The following MADD variants were observed in gnomAD, a reference collection of about 807,000 sequenced individuals.
MADD encodes the protein MAP kinase-activating death domain protein.
In MADD, 109 loss-of-function variants were observed where a neutral mutation model predicts 176.7. The observed-to-expected ratio is 0.62, with a 90% CI of 0.53 to 0.72. The LOEUF (loss-of-function observed/expected upper bound fraction) is 0.72. Among genes scored for constraint, MADD ranks in the 30% least tolerant of loss-of-function variants. MADD has a pLI of 0.00. For synonymous variants in MADD, 771 were observed against 771.3 expected (o/e 1.00, Z 0.01); for missense variants, 1,914 against 2,045.5 (o/e 0.94, Z 1.24).
At chr11:47,287,121 C>T (rs1350476352) in intron 15 of MADD, among the ~76,000 whole-genome samples, 1 of 152,142 alleles carries the variant, frequency 6.6e-6, no homozygotes, top group Non-Finnish European at 1.5e-5. Flanking sequence ...GTCAGGAGTT[C>T]GAGACCAGAC....
At chr11:47,288,094 T>C (rs540070062) in intron 15 of MADD, among the ~76,000 whole-genome samples, 2 of 152,318 alleles carry the variant, frequency 1.3e-5, no homozygotes, top group East Asian at 3.9e-4. Context: ...GCCAACCTCA[T>C]GTATTCTTTA....
intron 19 of MADD, 31 bp downstream of exon 20, chr11:47,290,847 G>T: frequency 1.3e-6 from 2 of 1,546,330 alleles, no homozygotes; most frequent in South Asian, 2.3e-5. Context: ...TGTGGTGGAG[G>T]GGTCCTGGCT....
At chr11:47,326,713 C>G in intron 30 of MADD, 25 bp from the exon 35 acceptor site, 2 of 1,612,530 alleles carry the variant, frequency 1.2e-6, no homozygotes, top group Non-Finnish European at 1.7e-6. Context: ...TGGGCCTTAC[C>G]CCGGCCTCCC....
intron 10 of MADD, among the ~76,000 whole-genome samples, chr11:47,283,490 C>T (rs563646618): frequency 3.3e-5 from 5 of 152,198 alleles, no homozygotes; most frequent in African/African-American, 9.6e-5. Flanking sequence ...CAAGTTCTCC[C>T]TCCCAGGTTC....
At position 47,309,619 on chromosome 11, in the gene MADD, T is replaced by C. The variant is rs779087128; in HGVS notation, c.3978+7T>C. On this transcript the variant is annotated splice_region_variant and intron_variant, in intron 25 of 32. Transcript: ENST00000402192. The stretch of plus-strand genomic sequence containing the variant: ...CTACATGCTGCTGATGAAGGTAATG[T>C]CAATTTTGCTGTGTCCAGCTCCGCT... 5.0e-6 allele frequency: 8 copies of C among 1,607,140 alleles called. No individual in the cohort carries two copies. The highest frequency in any genetic ancestry group is 1.3e-5 in the African/African-American group (1 of 74,942).
intron 22 of MADD, among the ~76,000 whole-genome samples, chr11:47,306,157 G>C (rs2082434212): frequency 6.6e-6 from 1 of 152,148 alleles, no homozygotes; most frequent in Admixed American, 6.5e-5. Flanking sequence ...AGTGGATAGG[G>C]TACTGCTTCA....
chr11:47,286,608 C>G lies in MADD; in HGVS notation c.2653+74C>G, dbSNP rs763147141. The stretch of plus-strand genomic sequence containing the variant: ...TCGGGCTGTGGGTTCATGTCAGGAG[C>G]CCTGCATCTGCTGAATCCTTTGACC... On this transcript the variant is annotated intron_variant, in intron 15 of 32. Coordinates refer to ENST00000402192, the Ensembl canonical transcript of MADD. 1.7e-5 allele frequency: 19 copies of G among 1,111,486 alleles called. No homozygotes were observed. In the Admixed American group the frequency reaches 2.7e-4, roughly 16 times the overall value. The allele number at this position is 1,111,486 out of a possible 1,614,324, so 68.9% of individuals were successfully genotyped here.
At chr11:47,269,273 G>C (rs952413770), upstream of MADD, 1 of 152,884 alleles carries the variant, frequency 6.5e-6, no homozygotes, top group African/African-American at 2.4e-5. Context: ...AACCCCCACT[G>C]CGCCATATGG....
intron 25 of MADD, 30 bp from the exon 29 acceptor site, chr11:47,311,702 C>T (rs1367209613): frequency 1.5e-6 from 2 of 1,369,074 alleles, no homozygotes; most frequent in Non-Finnish European, 2.1e-6. Context: ...GAGCAGATCC[C>T]TTGTTAAGAG....
chr11:47,321,577 C>T (rs940410425), intron 27 of MADD, among the ~76,000 whole-genome samples: 1 of 152,062 alleles, frequency 6.6e-6, no homozygotes, highest in Non-Finnish European at 1.5e-5. Context: ...ATATGGTGAG[C>T]ATTATGAAAG....
At chr11:47,320,336 A>G (rs1044029607) in intron 27 of MADD, among the ~76,000 whole-genome samples, 1 of 151,884 alleles carries the variant, frequency 6.6e-6, no homozygotes, top group Non-Finnish European at 1.5e-5. Flanking sequence ...GGTGCTTGTA[A>G]TCCCAGTTAC....
exon 13 of MADD, chr11:47,284,994 G>A (rs143547975): frequency 1.2e-6 from 2 of 1,613,904 alleles, no homozygotes; most frequent in Non-Finnish European, 1.7e-6. Flanking sequence ...GCGTCTCCAA[G>A]CCCCTCCCTT....
rs551373128 is a variant in MADD at position 47,303,758 on chromosome 11, A to G, written c.3643-4833A>G. On this transcript the variant is annotated intron_variant, in intron 22 of 32. Coordinates refer to ENST00000402192, the Ensembl canonical transcript of MADD. ...GTAGCTGGGATTACAGGCATGCACC[A>G]CCACGCTCGGCTAATTTTTTTGTAT... Among the ~76,000 whole-genome samples the G allele has an allele frequency of 2.0e-5, 3 of 151,908 alleles. No homozygotes were observed. The East Asian group carries it at 5.8e-4, about 30-fold the overall frequency.
At chr11:47,283,572 TG>T (rs1310227966) in intron 10 of MADD, among the ~76,000 whole-genome samples, 2 of 152,040 alleles carry the variant, frequency 1.3e-5, no homozygotes, top group African/African-American at 4.8e-5. Flanking sequence ...GGCTAATTTT[TG>T]TATATATATA....
chr11:47,276,125 C>T (rs1373503534), exon 4 of MADD: 9 of 1,614,218 alleles, frequency 5.6e-6, no homozygotes, highest in Non-Finnish European at 7.6e-6. Context: ...AGTGGATTTC[C>T]CACTGCACCT....
chr11:47,318,322 G>GT (rs1227797728), intron 27 of MADD, among the ~76,000 whole-genome samples: 2 of 152,156 alleles, frequency 1.3e-5, no homozygotes, highest in Non-Finnish European at 2.9e-5. Context: ...CACATTCACA[G>GT]TTTTTTTGAA....
chr11:47,276,025 T>G, exon 4 of MADD: 1 of 1,614,206 alleles, frequency 6.2e-7, no homozygotes, highest in South Asian at 1.1e-5. Flanking sequence ...TACCCGTCTC[T>G]GGGCAGAAGC....
chr11:47,286,550 C>T lies in MADD; in HGVS notation c.2653+16C>T. The T allele has an allele frequency of 1.3e-6, 2 of 1,595,274 alleles. No individual in the cohort carries two copies. The highest frequency in any genetic ancestry group is 1.7e-6 in the Non-Finnish European group (2 of 1,163,200). ...AGTCTGAAAGGTAACTACAGCCTTC[C>T]TTTTGCCAAGCCAGGTTTCTCCGGG... is the stretch of plus-strand genomic sequence containing the variant. On this transcript the variant is annotated intron_variant, in intron 15 of 32. Transcript: ENST00000402192.
chr11:47,289,295 AGGAAC>A, intron 15 of MADD, 91 bp from the exon 17 acceptor site: 1 of 1,034,598 alleles, frequency 9.7e-7, no homozygotes, highest in Non-Finnish European at 1.5e-6. Context: ...AGCCCTTCTG[AGGAAC>A]GGGCATGGAA....
Sources: gnomAD v4.1 joint callset for allele counts (sites outside exome capture counted in the v4.1 genomes callset) on GRCh38, gnomAD v4.1.1 for gene constraint, MANE v1.5 for transcripts, NCBI Gene and HGNC (gene_info 2026-07-23, HGNC 2026-07-21) for gene names.